The following OTOGL variants were observed in gnomAD, a reference collection of about 807,000 sequenced individuals.
The protein encoded by OTOGL is otogelin-like protein.
OTOGL carries 285 observed loss-of-function variants against 318.5 expected under a neutral mutation model. The observed-to-expected ratio is 0.89, with a 90% CI of 0.81 to 0.99. The LOEUF (loss-of-function observed/expected upper bound fraction) is 0.99. Ranked by LOEUF, OTOGL falls within the 50% of genes least tolerant of loss-of-function variation. The probability of loss-of-function intolerance (pLI) is 0.00; values close to 1 mark genes in which losing one functional copy is unlikely to be tolerated. For synonymous variants in OTOGL, 987 were observed against 936.5 expected, an observed-to-expected ratio of 1.05 and a Z score of -0.99; for missense variants, 2,899 against 2,845.6, an observed-to-expected ratio of 1.02 and a Z score of -0.43.
chr12:80,345,891 T>A (rs543292476), intron 44 of OTOGL, among the ~76,000 whole-genome samples: 2 of 152,322 alleles, frequency 1.3e-5, no homozygotes, highest in East Asian at 1.9e-4. Flanking sequence ...CATCTTTAGC[T>A]GCATTCTGGT....
At chr12:80,121,730 T>TA (rs1280136837) in intron 1 of OTOGL, among the ~76,000 whole-genome samples, 1 of 152,222 alleles carries the variant, frequency 6.6e-6, no homozygotes, top group East Asian at 1.9e-4. Flanking sequence ...TAACACAGCT[T>TA]AACTGACATT....
intron 11 of OTOGL, among the ~76,000 whole-genome samples, chr12:80,248,996 G>A (rs1453346582): frequency 2.1e-5 from 3 of 145,778 alleles, no homozygotes; most frequent in Non-Finnish European, 4.5e-5. Context: ...TAGTTCTCGA[G>A]CCTTGGTTTT....
chr12:80,359,706 T>C (rs1890124098), intron 52 of OTOGL, among the ~76,000 whole-genome samples: 1 of 152,204 alleles, frequency 6.6e-6, no homozygotes, highest in Non-Finnish European at 1.5e-5. Flanking sequence ...TAATGATGCT[T>C]TCATCTATGG....
chr12:80,283,274 ATGGCCTCCAG>A (rs1352226696), intron 26 of OTOGL, among the ~76,000 whole-genome samples: 1 of 151,936 alleles, frequency 6.6e-6, no homozygotes, highest in Non-Finnish European at 1.5e-5. Flanking sequence ...GTGACTTCCA[ATGGCCTCCAG>A]TGGCTTCCAA....
chr12:80,336,277 C>T, intron 39 of OTOGL, 136 bp from the exon 40 acceptor site: 1 of 1,339,980 alleles, frequency 7.5e-7, no homozygotes, highest in East Asian at 2.6e-5. Context: ...ATGATTTTGG[C>T]TCACAGTATA....
intron 38 of OTOGL, among the ~76,000 whole-genome samples, chr12:80,333,294 A>G (rs983130935): frequency 4.0e-5 from 6 of 151,724 alleles, no homozygotes; most frequent in African/African-American, 1.5e-4. Flanking sequence ...ACAAAATTGA[A>G]ATAAGATCTT....
In OTOGL at chr12:80,320,618, C is replaced by G. The variant is rs1211460562; in HGVS notation, c.3999C>G (p.Ile1333Met). ...FELYSKKGFF[I>M]IFTDSSVKAS... Reference sequence around the variant, plus strand: ...TATACAGCAAGAAAGGCTTTTTCATCATATTCACAGATTCTAGTGTCAAAG... The same window carrying G: ...TATACAGCAAGAAAGGCTTTTTCATGATATTCACAGATTCTAGTGTCAAAG... The change falls in exon 34 of 59, where the codon ATC becomes ATG. Residue 1333 changes from isoleucine to methionine, a missense_variant. By Grantham distance (10) the Ile-to-Met change is conservative. This residue lies in a region of OTOGL where 2,607 missense variants were observed against 2,524.9 expected (regional missense o/e 1.03). Transcript: ENST00000547103. 1 of 1,611,244 alleles carries G rather than the reference C, an allele frequency of 6.2e-7. No homozygotes were observed. The highest frequency in any genetic ancestry group is 8.5e-7 in the Non-Finnish European group (1 of 1,178,516).
chr12:80,239,307 A>C (rs1211209105), intron 10 of OTOGL, 26 bp from the exon 11 acceptor site: 2 of 1,491,094 alleles, frequency 1.3e-6, no homozygotes, highest in Admixed American at 3.6e-5. Context: ...AACATAGTCT[A>C]GTGACTGCCA....
chr12:80,333,185 T>A, intron 38 of OTOGL, 107 bp downstream of exon 38: 1 of 858,850 alleles, frequency 1.2e-6, no homozygotes, highest in Non-Finnish European at 1.8e-6. Context: ...ATATGTTCTC[T>A]AGTCTAGCCT....
In OTOGL at chr12:80,222,350, T is replaced by A. The variant is rs79708051; in HGVS notation, c.489+105T>A. 5,828 of 1,142,178 alleles carry A rather than the reference T, an allele frequency of 5.1e-3. 22 individuals carry two copies. The highest frequency in any genetic ancestry group is 7.6e-3 in the Admixed American group (247 of 32,646). 70.8% of individuals were successfully genotyped at this position (1,142,178 alleles called of 1,614,324 possible). A position where few individuals can be genotyped will look rare whatever the true frequency, so the allele number is the denominator to read the frequency against. ...TGCAAAATATATACTAATAATAGAATGAATACTTATTTTGAAGAGGGTCTG... is the reference window on the plus strand; with the variant it reads ...TGCAAAATATATACTAATAATAGAAAGAATACTTATTTTGAAGAGGGTCTG... On this transcript the variant is annotated intron_variant, in intron 7 of 58. Transcript: ENST00000547103.
chr12:80,351,298 T>TG (rs200900738), intron 44 of OTOGL, among the ~76,000 whole-genome samples: 9,156 of 151,876 alleles, frequency 0.06, 403 homozygotes, highest in Non-Finnish European at 0.09. Flanking sequence ...GTGTTTTTTT[T>TG]TTTTTTTTGT....
At chr12:80,140,779 G>A (rs1206989291) in intron 1 of OTOGL, among the ~76,000 whole-genome samples, 6 of 152,162 alleles carry the variant, frequency 3.9e-5, no homozygotes, top group Admixed American at 3.9e-4. Context: ...TACTATTTAT[G>A]TAATGTGAAC....
At chr12:80,345,106 TAA>T (rs1487616549) in intron 44 of OTOGL, among the ~76,000 whole-genome samples, 2 of 6,378 alleles carry the variant, frequency 3.1e-4, no homozygotes, top group African/African-American at 5.4e-4. Context: ...TTATATATTA[TAA>T]TATATATTAT....
At chr12:80,251,547 ATATAT>A in intron 11 of OTOGL, 141 bp from the exon 12 acceptor site, 1 of 570,320 alleles carries the variant, frequency 1.8e-6, no homozygotes, top group South Asian at 2.8e-5. Flanking sequence ...ACTTAATAAG[ATATAT>A]TATGAGTGAC....
At chr12:80,289,900 T>C (rs112594176) in intron 26 of OTOGL, among the ~76,000 whole-genome samples, 10,604 of 151,878 alleles carry the variant, frequency 0.07, 445 homozygotes, top group Non-Finnish European at 0.085. Context: ...TCCAGAGAAG[T>C]GAACGGTTTT....
chr12:80,354,244 C>G (rs1471917841), intron 46 of OTOGL, among the ~76,000 whole-genome samples: 2 of 152,144 alleles, frequency 1.3e-5, no homozygotes, highest in African/African-American at 4.8e-5. Context: ...TATTTTATTC[C>G]TCTTCACATC....
intron 37 of OTOGL, among the ~76,000 whole-genome samples, chr12:80,331,053 C>CA (rs1296428512): frequency 6.6e-6 from 1 of 152,110 alleles, no homozygotes; most frequent in African/African-American, 2.4e-5. Flanking sequence ...TTTATAGACA[C>CA]AATACAATCC....
Position 80,113,882 on chromosome 12 carries a change from C to T in OTOGL, c.-20+14277C>T, listed in dbSNP as rs139488722. Among the ~76,000 whole-genome samples the T allele has an allele frequency of 2.6e-4, 40 of 152,060 alleles. No homozygotes were observed. In the East Asian group the frequency reaches 7.2e-3, roughly 27 times the overall value. On this transcript the variant is annotated intron_variant, in intron 1 of 58. Coordinates refer to ENST00000547103, the MANE Select transcript of OTOGL (RefSeq NM_001378609.3). ...CTTTACCACAATGTGATGCCCTTTG[C>T]CTTTTTTCATCTTTTTTGGTTTAAA...
intron 1 of OTOGL, among the ~76,000 whole-genome samples, chr12:80,148,734 T>C (rs939942317): frequency 6.6e-6 from 1 of 152,232 alleles, no homozygotes; most frequent in African/African-American, 2.4e-5. Context: ...CCCATATTTC[T>C]TGGAGGCTTT....
Sources: allele counts gnomAD v4.1 joint callset (sites outside exome capture counted in the v4.1 genomes callset), GRCh38; gene constraint gnomAD v4.1.1; regional missense constraint gnomAD v4.1.1; transcripts MANE v1.5; gene names NCBI Gene and HGNC (gene_info 2026-07-23, HGNC 2026-07-21).